NRXN2: variants seen among roughly 807,000 people sequenced by gnomAD.
The protein encoded by NRXN2 is neurexin-2-beta.
A neutral mutation model predicts 128.8 loss-of-function variants in NRXN2; 29 were observed. That is an observed-to-expected ratio of 0.23 (90% CI 0.17 to 0.31). The LOEUF (loss-of-function observed/expected upper bound fraction) is 0.31, where lower values mean the gene tolerates loss of function less well. Among genes scored for constraint, NRXN2 ranks in the 10% least tolerant of loss-of-function variants. The pLI is 1.00. For synonymous variants in NRXN2, 1,098 were observed against 1,075.2 expected (o/e 1.02, Z -0.41); for missense variants, 1,881 against 2,452.6 (o/e 0.77, Z 4.92).
intron 14 of NRXN2, 133 bp from the exon 15 acceptor site, chr11:64,650,771 G>C (rs1000514879): frequency 8.4e-5 from 72 of 852,382 alleles, no homozygotes; most frequent in Non-Finnish European, 9.6e-5. Context: ...CCCCAGAGGA[G>C]AGCGACCAAA....
intron 11 of NRXN2, among the ~76,000 whole-genome samples, chr11:64,655,006 TC>T (rs895566822): frequency 6.6e-6 from 1 of 152,150 alleles, no homozygotes; most frequent in African/African-American, 2.4e-5. Context: ...AGGGGCAGTC[TC>T]CCGGCCCTCG....
Position 64,630,196 on chromosome 11 carries a change from G to GC in NRXN2, c.3757+205dup, listed in dbSNP as rs967400566. Reference sequence around the variant, plus strand: ...GGCGCATTCGCACCACCACGGTCTCGCCCCGCCGCCACAAATCCCGACTTT... The same window carrying GC: ...GGCGCATTCGCACCACCACGGTCTCGCCCCCGCCGCCACAAATCCCGACTTT... On this transcript the variant is annotated intron_variant, in intron 19 of 22. Transcript: ENST00000265459. The surrounding 1 kb of genome is among the most constrained non-coding windows in gnomAD (Gnocchi z 4.6). Among the ~76,000 whole-genome samples the GC allele has an allele frequency of 6.7e-6, 1 of 150,248 alleles. No homozygotes were observed. Among genetic ancestry groups the GC allele is most frequent in the Admixed American group, 6.6e-5 (1 of 15,076 alleles).
intron 22 of NRXN2, among the ~76,000 whole-genome samples, chr11:64,612,514 C>A (rs2040830034): frequency 6.6e-6 from 1 of 152,240 alleles, no homozygotes; most frequent in South Asian, 2.1e-4. Context: ...TGCATGTGGG[C>A]CCCACTTACT....
chr11:64,723,003 G>C lies in NRXN2; in HGVS notation c.-277C>G, dbSNP rs577120924. On this transcript the variant is annotated 5_prime_UTR_variant, in exon 1 of 23. Transcript: ENST00000265459. ...TCGGGGCGCCAGAAGCTGGAGGGTG[G>C]GTAGCAGAGCTACAGGGCCGCCCCG... The C allele has an allele frequency of 6.9e-6, 1 of 145,144 alleles. No homozygotes were observed. The highest frequency in any genetic ancestry group is 2.6e-5 in the African/African-American group (1 of 38,850). 9.0% of individuals were successfully genotyped at this position (145,144 alleles called of 1,614,324 possible).
At position 64,671,969 on chromosome 11, in the gene NRXN2, C is replaced by T. The variant is rs11603924; in HGVS notation, c.1198-3365G>A. On this transcript the variant is annotated intron_variant, in intron 7 of 22. Transcript: ENST00000265459. ...CCAGCTCTCTCCTTCCAAACAGCATCACTGAGACACAGCAGAGTGTCTGCA... is the reference window on the plus strand; with the variant it reads ...CCAGCTCTCTCCTTCCAAACAGCATTACTGAGACACAGCAGAGTGTCTGCA... Among the ~76,000 whole-genome samples the T allele has an allele frequency of 9.4e-3, 1,425 of 152,226 alleles. 13 individuals are homozygous for T. Among genetic ancestry groups the T allele is most frequent in the Non-Finnish European group, 0.015 (997 of 68,008 alleles).
Position 64,651,144 on chromosome 11 carries a change from T to C in NRXN2, c.2918+111A>G. 6.8e-7 allele frequency: 1 copy of C among 1,464,894 alleles called. No homozygotes were observed. 90.7% of individuals were successfully genotyped at this position (1,464,894 alleles called of 1,614,324 possible). On this transcript the variant is annotated intron_variant, in intron 14 of 22. Coordinates refer to ENST00000265459, the MANE Select transcript of NRXN2 (RefSeq NM_015080.4). This position sits in a 1 kb window ranked among gnomAD's most constrained non-coding sequence, Gnocchi z 5.9. Reference sequence around the variant, plus strand: ...TACGGTCGGGGACCTGAATCTTGACTTGTGATCTGGGGGGATTGGACACCT... The same window carrying C: ...TACGGTCGGGGACCTGAATCTTGACCTGTGATCTGGGGGGATTGGACACCT...
chr11:64,707,171 T>A (rs2056421241), intron 2 of NRXN2, among the ~76,000 whole-genome samples: 1 of 151,854 alleles, frequency 6.6e-6, no homozygotes, highest in African/African-American at 2.4e-5. Flanking sequence ...GGTGGGTGGA[T>A]CACGAGGTCA....
Position 64,685,963 on chromosome 11 carries a change from T to C in NRXN2, c.851-16A>G. On this transcript the variant is annotated splice_polypyrimidine_tract_variant and intron_variant, in intron 5 of 22. Transcript: ENST00000265459. Reference sequence around the variant, plus strand: ...TCCTCCTTGCCTGGATGCCGTGGTGTGGGGAAACGGGAGAAGGCTGAATGG... The same window carrying C: ...TCCTCCTTGCCTGGATGCCGTGGTGCGGGGAAACGGGAGAAGGCTGAATGG... The C allele has an allele frequency of 6.2e-7, 1 of 1,614,110 alleles. No homozygotes were observed. Among genetic ancestry groups the C allele is most frequent in the Non-Finnish European group, 8.5e-7 (1 of 1,180,002 alleles).
At chr11:64,686,853 G>C (rs186552209) in intron 5 of NRXN2, among the ~76,000 whole-genome samples, 2 of 152,308 alleles carry the variant, frequency 1.3e-5, no homozygotes, top group Admixed American at 1.3e-4. Context: ...TTTTTAAGCA[G>C]AAGCAAAAAC....
intron 22 of NRXN2, among the ~76,000 whole-genome samples, chr11:64,608,773 C>T (rs775392978): frequency 5.9e-5 from 9 of 152,216 alleles, no homozygotes; most frequent in Non-Finnish European, 1.3e-4. Context: ...TTGTCCCTCT[C>T]CCCCTCATTC....
At chr11:64,656,497 G>A (rs1052253163) in intron 11 of NRXN2, among the ~76,000 whole-genome samples, 7 of 152,096 alleles carry the variant, frequency 4.6e-5, no homozygotes, top group African/African-American at 1.7e-4. Flanking sequence ...GTGGGAGGTA[G>A]AAGGCCTCCC....
In NRXN2 at chr11:64,648,917, G is replaced by A; in HGVS notation, c.3110-10C>T. The A allele has an allele frequency of 6.2e-7, 1 of 1,614,128 alleles. No homozygotes were observed. On this transcript the variant is annotated splice_polypyrimidine_tract_variant and intron_variant, in intron 15 of 22. Transcript: ENST00000265459. This position sits in a 1 kb window ranked among gnomAD's most constrained non-coding sequence, Gnocchi z 4.1. ...CCAATGTACAACTCCCCTGCAAAGG[G>A]AGTGGGTCAACCAAGGCATCCAGGT...
chr11:64,607,151 C>G lies in NRXN2; in HGVS notation c.*45G>C. On this transcript the variant is annotated 3_prime_UTR_variant, in exon 23 of 23. Coordinates refer to ENST00000265459, the MANE Select transcript of NRXN2 (RefSeq NM_015080.4). Reference sequence around the variant, plus strand: ...GAGAGGGTGGCACCCTCCTCCCGGGCCCTCCCAGGAGGGGCAGCTGGCAGT... The same window carrying G: ...GAGAGGGTGGCACCCTCCTCCCGGGGCCTCCCAGGAGGGGCAGCTGGCAGT... 1 of 1,591,674 alleles carries G rather than the reference C, an allele frequency of 6.3e-7. No homozygotes were observed. Among genetic ancestry groups the G allele is most frequent in the Non-Finnish European group, 8.6e-7 (1 of 1,165,542 alleles).
rs866241347 is a variant in NRXN2 at position 64,631,551 on chromosome 11, G to A, written c.3586-978C>T. On this transcript the variant is annotated intron_variant, in intron 18 of 22. Coordinates refer to ENST00000265459, the MANE Select transcript of NRXN2 (RefSeq NM_015080.4). This position sits in a 1 kb window ranked among gnomAD's most constrained non-coding sequence, Gnocchi z 4.8. Reference sequence around the variant, plus strand: ...CATGCTCTCTTCCCTACACCAACCCGCTGAAGAAGCTCATAGCTCCCCATT... The same window carrying A: ...CATGCTCTCTTCCCTACACCAACCCACTGAAGAAGCTCATAGCTCCCCATT... 3.3e-5 allele frequency among the ~76,000 whole-genome samples: 5 copies of A among 152,190 alleles called. No homozygotes were observed. The highest frequency in any genetic ancestry group is 3.4e-3 in the Middle Eastern group (1 of 294).
At chr11:64,664,315 TAAAAAAAAAAA>T (rs773402977) in intron 9 of NRXN2, among the ~76,000 whole-genome samples, 5 of 143,112 alleles carry the variant, frequency 3.5e-5, no homozygotes. Context: ...TGTCTCTAGT[TAAAAAAAAAAA>T]AAATTAGCTG....
At chr11:64,693,546 A>G (rs1182085160) in intron 3 of NRXN2, among the ~76,000 whole-genome samples, 1 of 152,150 alleles carries the variant, frequency 6.6e-6, no homozygotes, top group African/African-American at 2.4e-5. Context: ...GGGGGGATAT[A>G]AAGAACCTGG....
intron 22 of NRXN2, among the ~76,000 whole-genome samples, chr11:64,609,005 C>T (rs1280784155): frequency 1.3e-5 from 2 of 151,818 alleles, no homozygotes; most frequent in South Asian, 2.1e-4. Flanking sequence ...CCACGGGAGG[C>T]GAGACATCGA....
At chr11:64,647,852 CA>C (rs2046932639) in intron 17 of NRXN2, among the ~76,000 whole-genome samples, 1 of 152,122 alleles carries the variant, frequency 6.6e-6, no homozygotes. Context: ...GTGTGAGGTA[CA>C]AGTACATGTA....
At chr11:64,702,216 G>A (rs1408203874) in intron 2 of NRXN2, among the ~76,000 whole-genome samples, 18 of 151,636 alleles carry the variant, frequency 1.2e-4, no homozygotes, top group East Asian at 2.0e-4. Context: ...CGCCCCGTCC[G>A]GGAGGTGAGG....
Sources: gnomAD v4.1 joint callset for allele counts (sites outside exome capture counted in the v4.1 genomes callset) on GRCh38, gnomAD v4.1.1 for gene constraint, Gnocchi (gnomAD v3.1) non-coding constraint, MANE v1.5 for transcripts, NCBI Gene and HGNC (gene_info 2026-07-23, HGNC 2026-07-21) for gene names.